SNCAIP: variants seen among roughly 807,000 people sequenced by gnomAD.
SNCAIP encodes the protein synuclein alpha interacting protein, also known as synphilin-1.
A neutral mutation model predicts 86.7 loss-of-function variants in SNCAIP; 43 were observed. That is an observed-to-expected ratio of 0.50 (90% confidence interval 0.39 to 0.64). The LOEUF is 0.64. Ranked by LOEUF, SNCAIP falls within the 30% of genes least tolerant of loss-of-function variation. SNCAIP has a pLI of 0.00. For missense variants in SNCAIP, 981 were observed against 1,103.1 expected, an observed-to-expected ratio of 0.89 and a Z score of 1.57; for synonymous variants, 417 against 427.2, an observed-to-expected ratio of 0.98 and a Z score of 0.29.
intron 3 of SNCAIP, among the ~76,000 whole-genome samples, chr5:122,414,708 A>G (rs1581103810): frequency 1.3e-5 from 2 of 152,340 alleles, no homozygotes; most frequent in African/African-American, 2.4e-5. Context: ...TGTGAATTAT[A>G]TCTTTAGGGA....
chr5:122,377,404 G>A (rs1765555080), intron 1 of SNCAIP, among the ~76,000 whole-genome samples: 1 of 151,970 alleles, frequency 6.6e-6, no homozygotes, highest in Admixed American at 6.6e-5. Context: ...GCTCCTGTGA[G>A]CATGAATTCT....
chr5:122,326,785 A>G (rs1163077613), intron 1 of SNCAIP, among the ~76,000 whole-genome samples: 2 of 151,946 alleles, frequency 1.3e-5, no homozygotes, highest in East Asian at 1.9e-4. Flanking sequence ...TCATGCTTCT[A>G]GAAGGAATTA....
intron 1 of SNCAIP, among the ~76,000 whole-genome samples, chr5:122,327,104 T>C (rs1343334939): frequency 6.6e-6 from 1 of 152,066 alleles, no homozygotes; most frequent in Non-Finnish European, 1.5e-5. Flanking sequence ...TTTCTTTTTA[T>C]TTTTTGCCTC....
intron 1 of SNCAIP, among the ~76,000 whole-genome samples, chr5:122,314,699 G>A (rs1751337576): frequency 6.6e-6 from 1 of 152,186 alleles, no homozygotes; most frequent in African/African-American, 2.4e-5. Flanking sequence ...TCACTTTATA[G>A]ATTAGGTAAC....
At chr5:122,340,400 G>A (rs1264167613) in intron 1 of SNCAIP, among the ~76,000 whole-genome samples, 3 of 152,158 alleles carry the variant, frequency 2.0e-5, no homozygotes, top group Non-Finnish European at 4.4e-5. Context: ...ATGCTAAGTT[G>A]CCTGGCAAGA....
intron 6 of SNCAIP, among the ~76,000 whole-genome samples, chr5:122,434,017 C>T (rs1778914935): frequency 6.6e-6 from 1 of 152,128 alleles, no homozygotes; most frequent in Non-Finnish European, 1.5e-5. Context: ...ATATTTTCAA[C>T]TTAGGATGGG....
intron 1 of SNCAIP, among the ~76,000 whole-genome samples, chr5:122,350,440 T>C (rs1405551184): frequency 2.0e-5 from 3 of 152,024 alleles, no homozygotes; most frequent in African/African-American, 7.2e-5. Context: ...TAAATAGATA[T>C]TATAGTTCAG....
intron 1 of SNCAIP, among the ~76,000 whole-genome samples, chr5:122,351,069 A>T (rs1235339163): frequency 6.6e-6 from 1 of 152,106 alleles, no homozygotes; most frequent in Non-Finnish European, 1.5e-5. Context: ...TGCCTCCAAC[A>T]TTTTTCTATT....
intron 1 of SNCAIP, among the ~76,000 whole-genome samples, chr5:122,363,405 A>T (rs1762566769): frequency 6.6e-6 from 1 of 152,142 alleles, no homozygotes; most frequent in East Asian, 1.9e-4. Context: ...TGCTCCCTGG[A>T]AGGGACTTGG....
Position 122,450,566 on chromosome 5 carries a change from G to T in SNCAIP, c.1719G>T (p.Gln573His), listed in dbSNP as rs1207212072. The change falls in exon 10 of 11, where the codon CAG (glutamine) becomes CAT (histidine). Residue 573 changes from glutamine to histidine, a missense_variant. Physicochemically the swap from Gln to His is conservative, Grantham distance 24. Coordinates refer to ENST00000261368, the MANE Select transcript of SNCAIP (RefSeq NM_005460.4). ...CCTCACCTGCCTCCAGAAAGTCCCA[G>T]TGGAAATCTCCAGATGCAGATGATG... is the stretch of plus-strand genomic sequence containing the variant. ...SPSSPASRKS[Q>H]WKSPDADDDS... 1 of 1,614,002 alleles carries T rather than the reference G, an allele frequency of 6.2e-7. No homozygotes were observed. The highest frequency in any genetic ancestry group is 2.2e-5 in the East Asian group (1 of 44,882).
intron 1 of SNCAIP, among the ~76,000 whole-genome samples, chr5:122,365,954 T>G (rs534918609): frequency 6.6e-6 from 1 of 152,274 alleles, no homozygotes; most frequent in East Asian, 1.9e-4. Flanking sequence ...AAGTCAGGTG[T>G]AAACTTAAAA....
rs1259555425 is a variant in SNCAIP, at chr5:122,425,404, A to G, written c.1055A>G (p.Asn352Ser). The change falls in exon 5 of 11, where the codon AAT (asparagine) becomes AGT (serine). Residue 352 changes from asparagine (N) to serine (S), a missense_variant. Asn to Ser is a conservative substitution (Grantham distance 46). Coordinates refer to ENST00000261368, the MANE Select transcript of SNCAIP (RefSeq NM_005460.4). Reference protein sequence around the residue: ...LDKIHDENGNNLLHIAASQGH... With the variant: ...LDKIHDENGNSLLHIAASQGH... The stretch of plus-strand genomic sequence containing the variant: ...AAAATTCACGACGAAAATGGAAACA[A>G]TCTATTACATATTGCGGCGTCACAG... 6.2e-7 allele frequency: 1 copy of G among 1,614,044 alleles called. No homozygotes were observed. The highest frequency in any genetic ancestry group is 1.6e-4 in the Middle Eastern group (1 of 6,062).
Position 122,323,237 on chromosome 5 carries a change from A to T in SNCAIP, c.-47+10953A>T, listed in dbSNP as rs116627448. On this transcript the variant is annotated intron_variant, in intron 1 of 10. Coordinates refer to ENST00000261368, the MANE Select transcript of SNCAIP (RefSeq NM_005460.4). ...TCTGCAGACATAAGCACACTTAGCC[A>T]CTGATAATCATAATTTAGCAGTACT... 3.4e-3 allele frequency: 515 copies of T among 152,328 alleles called. 5 individuals are homozygous for T. Among genetic ancestry groups the T allele is most frequent in the African/African-American group, 0.012 (496 of 41,580 alleles). 9.4% of individuals were successfully genotyped at this position (152,328 alleles called of 1,614,324 possible). A position where few individuals can be genotyped will look rare whatever the true frequency, so the allele number is the denominator to read the frequency against.
chr5:122,328,187 A>G (rs2152689500), intron 1 of SNCAIP, among the ~76,000 whole-genome samples: 1 of 152,332 alleles, frequency 6.6e-6, no homozygotes, highest in African/African-American at 2.4e-5. Context: ...TTTTCAATGA[A>G]TGTGATTAAT....
chr5:122,322,606 A>G (rs1219448453), intron 1 of SNCAIP, among the ~76,000 whole-genome samples: 1 of 152,210 alleles, frequency 6.6e-6, no homozygotes. Context: ...ATACAGGAAA[A>G]ATAAATCCTG....
intron 3 of SNCAIP, among the ~76,000 whole-genome samples, chr5:122,412,045 C>T (rs1055799913): frequency 1.3e-5 from 2 of 152,188 alleles, no homozygotes; most frequent in African/African-American, 2.4e-5. Flanking sequence ...CAGGCTTCCT[C>T]GCACGCCTCC....
At chr5:122,322,518 A>G (rs933432790) in intron 1 of SNCAIP, among the ~76,000 whole-genome samples, 2 of 152,206 alleles carry the variant, frequency 1.3e-5, no homozygotes, top group Non-Finnish European at 2.9e-5. Flanking sequence ...AATAAGGTCT[A>G]ACCTCAGTTT....
chr5:122,422,919 A>G lies in SNCAIP; in HGVS notation c.182A>G (p.Gln61Arg). The G allele has an allele frequency of 6.2e-7, 1 of 1,614,156 alleles. No individual in the cohort carries two copies. Among genetic ancestry groups the G allele is most frequent in the Non-Finnish European group, 8.5e-7 (1 of 1,179,964 alleles). ...CGISTLITNT[Q>R]KPTGIADVYS... ...ATCTCAACTCTTATTACAAACACGC[A>G]AAAGCCCACAGGAATCGCTGATGTG... The change falls in exon 4 of 11, where the codon CAA (glutamine) becomes CGA (arginine). Residue 61 changes from glutamine (Q) to arginine (R), a missense_variant. Physicochemically the swap from Gln to Arg is conservative, Grantham distance 43. Transcript: ENST00000261368.
At chr5:122,329,088 A>G (rs956638307) in intron 1 of SNCAIP, among the ~76,000 whole-genome samples, 21 of 152,198 alleles carry the variant, frequency 1.4e-4, no homozygotes, top group African/African-American at 4.3e-4. Context: ...ACCATGTTTC[A>G]TTCATGTCTG....
Sources: allele counts gnomAD v4.1 joint callset (sites outside exome capture counted in the v4.1 genomes callset), GRCh38; gene constraint gnomAD v4.1.1; transcripts MANE v1.5; gene names NCBI Gene and HGNC (gene_info 2026-07-23, HGNC 2026-07-21).